Variants in CCDC73 observed in about 807,000 individuals in gnomAD.
CCDC73 encodes coiled-coil domain containing 73, also known as coiled-coil domain-containing protein 73.
In CCDC73, 95 loss-of-function variants were observed where a neutral mutation model predicts 116.5. That is an observed-to-expected ratio of 0.82 (90% CI 0.69 to 0.97). The LOEUF (loss-of-function observed/expected upper bound fraction) is 0.97, where lower values mean the gene tolerates loss of function less well. Ranked by LOEUF, CCDC73 falls within the 50% of genes least tolerant of loss-of-function variation. The pLI is 0.00. For synonymous variants in CCDC73, 398 were observed against 401.3 expected (o/e 0.99, Z 0.10); for missense variants, 1,066 against 1,206.8 (o/e 0.88, Z 1.73).
intron 1 of CCDC73, among the ~76,000 whole-genome samples, chr11:32,760,770 T>C (rs1850385108): frequency 6.6e-6 from 1 of 152,230 alleles, no homozygotes; most frequent in African/African-American, 2.4e-5. Flanking sequence ...AAGAAACTTT[T>C]CAACTTTTCA....
chr11:32,614,851 G>GAA lies in CCDC73; in HGVS notation c.1466_1467insTT (p.Leu490SerfsTer4), dbSNP rs1565056986. On this transcript the variant is annotated frameshift_variant, in exon 16 of 18. Coordinates refer to ENST00000335185, the MANE Select transcript of CCDC73 (RefSeq NM_001008391.4). LOFTEE classifies it high-confidence loss of function. ...TAATTACTTCTTTATCTAAGGAGAG[G>GAA]GTTTTGCTTAAGGAGATTTCACTTT... 1 of 1,612,644 alleles carries GAA rather than the reference G, an allele frequency of 6.2e-7. No individual in the cohort carries two copies. Among genetic ancestry groups the GAA allele is most frequent in the African/African-American group, 1.3e-5 (1 of 74,960 alleles).
At chr11:32,643,850 T>C (rs994197090) in intron 12 of CCDC73, among the ~76,000 whole-genome samples, 1 of 152,082 alleles carries the variant, frequency 6.6e-6, no homozygotes, top group African/African-American at 2.4e-5. Context: ...CAATAATAAA[T>C]CAAGCTTAGT....
intron 14 of CCDC73, among the ~76,000 whole-genome samples, chr11:32,625,820 G>T (rs1855567350): frequency 6.6e-6 from 1 of 151,814 alleles, no homozygotes; most frequent in South Asian, 2.1e-4. Context: ...GGTATTGATG[G>T]GACGTATCTC....
At chr11:32,635,925 G>C in intron 13 of CCDC73, 95 bp from the exon 14 acceptor site, 1 of 777,814 alleles carries the variant, frequency 1.3e-6, no homozygotes, top group Non-Finnish European at 1.6e-6. Context: ...TCAGGAAATA[G>C]TCAAAGAATC....
At chr11:32,766,344 C>G (rs1398399809) in intron 1 of CCDC73, among the ~76,000 whole-genome samples, 1 of 152,166 alleles carries the variant, frequency 6.6e-6, no homozygotes, top group Non-Finnish European at 1.5e-5. Flanking sequence ...AACCCACAGC[C>G]AATATCATAC....
intron 9 of CCDC73, among the ~76,000 whole-genome samples, chr11:32,655,343 A>G (rs1246327808): frequency 6.6e-6 from 1 of 152,246 alleles, no homozygotes; most frequent in Non-Finnish European, 1.5e-5. Flanking sequence ...AAAATTATGT[A>G]AGAAATAATT....
intron 1 of CCDC73, among the ~76,000 whole-genome samples, chr11:32,768,422 G>A (rs1850462943): frequency 6.6e-6 from 1 of 152,088 alleles, no homozygotes; most frequent in Non-Finnish European, 1.5e-5. Context: ...GTATACATAT[G>A]TAACAAACCT....
chr11:32,617,538 A>C (rs1855484767), intron 14 of CCDC73, among the ~76,000 whole-genome samples: 1 of 152,210 alleles, frequency 6.6e-6, no homozygotes, highest in Non-Finnish European at 1.5e-5. Context: ...CACGGGGCAG[A>C]GTGATACATC....
Position 32,613,444 on chromosome 11 carries a change from A to G in CCDC73, c.2874T>C (p.Asp958=), listed in dbSNP as rs371209448. The change falls in exon 16 of 18, where the codon GAT becomes GAC. Residue 958 remains aspartate (D), a synonymous_variant. Coordinates refer to ENST00000335185, the MANE Select transcript of CCDC73 (RefSeq NM_001008391.4). ...TACCTGGTCCAATATCCTTTCCAACATCATCCACACCAATATTTTTACAAA... is the reference window on the plus strand; with the variant it reads ...TACCTGGTCCAATATCCTTTCCAACGTCATCCACACCAATATTTTTACAAA... The part of the protein sequence containing the change: ...MALCKNIGVD[D]VGKDIGPDTT... 6.2e-7 allele frequency: 1 copy of G among 1,611,820 alleles called. No individual in the cohort carries two copies. The highest frequency in any genetic ancestry group is 8.5e-7 in the Non-Finnish European group (1 of 1,178,514).
intron 3 of CCDC73, among the ~76,000 whole-genome samples, chr11:32,704,142 C>A (rs1250388908): frequency 6.6e-6 from 1 of 152,146 alleles, no homozygotes; most frequent in East Asian, 1.9e-4. Flanking sequence ...ACTAAGTTGG[C>A]GGGGCAGGAG....
At chr11:32,717,638 G>A (rs760687986) in intron 3 of CCDC73, among the ~76,000 whole-genome samples, 1 of 151,984 alleles carries the variant, frequency 6.6e-6, no homozygotes, top group Non-Finnish European at 1.5e-5. Flanking sequence ...TTGGCAATAA[G>A]GATTAGAATA....
chr11:32,608,735 C>T (rs962466571), intron 17 of CCDC73, among the ~76,000 whole-genome samples: 1 of 152,222 alleles, frequency 6.6e-6, no homozygotes, highest in African/African-American at 2.4e-5. Flanking sequence ...AGAGTCCCGC[C>T]CCTGCAGCAA....
the CCDC73 span, among the ~76,000 whole-genome samples, chr11:32,805,746 C>G: frequency 6.6e-6 from 1 of 152,086 alleles, no homozygotes; most frequent in African/African-American, 2.4e-5. Context: ...TTGGGAAAAG[C>G]TATGGTATTA....
intron 9 of CCDC73, among the ~76,000 whole-genome samples, chr11:32,662,403 T>G (rs1855937752): frequency 6.6e-6 from 1 of 152,236 alleles, no homozygotes; most frequent in African/African-American, 2.4e-5. Context: ...GGTATCTCAT[T>G]GTGGTTTTGA....
At chr11:32,683,111 T>G in intron 7 of CCDC73, 1 of 189,454 alleles carries the variant, frequency 5.3e-6, no homozygotes. Flanking sequence ...TAATCAGAAA[T>G]GCTGGGACCA....
chr11:32,652,175 G>T (rs1220098567), intron 12 of CCDC73, among the ~76,000 whole-genome samples: 1 of 151,986 alleles, frequency 6.6e-6, no homozygotes, highest in Non-Finnish European at 1.5e-5. Flanking sequence ...GTGGTAGTGG[G>T]CACCTGTAAT....
At chr11:32,760,882 T>G (rs1040941514) in intron 1 of CCDC73, among the ~76,000 whole-genome samples, 6 of 152,342 alleles carry the variant, frequency 3.9e-5, no homozygotes, top group South Asian at 4.1e-4. Flanking sequence ...ACATCTTGTA[T>G]AACAAGAGTA....
chr11:32,646,947 G>A (rs1051810605), intron 12 of CCDC73, among the ~76,000 whole-genome samples: 29 of 152,062 alleles, frequency 1.9e-4, no homozygotes, highest in African/African-American at 4.1e-4. Flanking sequence ...AAGGGCTCTC[G>A]TTTATTCTCT....
Position 32,767,877 on chromosome 11 carries a change from C to T in CCDC73, c.-15-7619G>A, listed in dbSNP as rs529173685. On this transcript the variant is annotated intron_variant, in intron 1 of 17. Transcript: ENST00000335185. ...GAACACTTTTACACTGTTGGTGGGA[C>T]GGTAAACTAGTTCAACCATTGTGGA... 2.0e-3 allele frequency among the ~76,000 whole-genome samples: 305 copies of T among 152,196 alleles called. 4 individuals carry two copies. In the East Asian group the frequency reaches 0.025, roughly 12 times the overall value.
Sources: gnomAD v4.1 joint callset for allele counts (sites outside exome capture counted in the v4.1 genomes callset) on GRCh38, gnomAD v4.1.1 for gene constraint, MANE v1.5 for transcripts, NCBI Gene and HGNC (gene_info 2026-07-23, HGNC 2026-07-21) for gene names.